BPTF: variants seen among roughly 807,000 people sequenced by gnomAD.
The protein encoded by BPTF is nucleosome-remodeling factor subunit BPTF.
Under a neutral mutation model 292.5 loss-of-function variants are expected in BPTF, and 18 were observed. The ratio of observed to expected loss-of-function variants is 0.06; its 90% CI spans 0.04 to 0.09. The LOEUF is 0.09. BPTF is among the 10% of genes least tolerant of loss of function. The pLI, the probability that BPTF is intolerant of heterozygous loss-of-function variation, is 1.00. For missense variants in BPTF, 2,726 were observed against 3,498.7 expected (o/e 0.78, Z 5.57); for synonymous variants, 1,225 against 1,251.9 (o/e 0.98, Z 0.45).
At position 67,944,280 on chromosome 17, in the gene BPTF, A is replaced by G; in HGVS notation, c.6608A>G (p.Asn2203Ser). ...GQQLMQAAMP[N>S]GTVQRFLFTP... ...CAGCTAATGCAAGCTGCAATGCCAA[A>G]TGGTACTGTTCAGCGATTCCTCTTT... Residue 2203 changes from asparagine to serine, a missense_variant, in exon 20 of 28, where the codon AAT becomes AGT. This residue lies in a region of BPTF where 570 missense variants were observed against 633.5 expected (regional missense o/e 0.90). Transcript: ENST00000306378. 1 of 1,614,158 alleles carries G rather than the reference A, an allele frequency of 6.2e-7. No homozygotes were observed.
In BPTF at chr17:67,909,750, A is replaced by G. The variant is rs770557082; in HGVS notation, c.2981A>G (p.Lys994Arg). ...ATGGATATCTCAAAGATTACTGAGA[A>G]GAAGGACCAAGGTAAGGAGAGTCAG... ...NEMDISKITE[K>R]KDQDVKELLD... The change falls in exon 10 of 28, where the codon AAG (lysine) becomes AGG (arginine). Residue 994 changes from lysine to arginine, a missense_variant. By Grantham distance (26) the Lys-to-Arg change is conservative. This residue lies in a region of BPTF where 713 missense variants were observed against 714.9 expected (regional missense o/e 1.00). Coordinates refer to ENST00000306378, the MANE Select transcript of BPTF (RefSeq NM_182641.4). The G allele has an allele frequency of 2.5e-6, 4 of 1,571,414 alleles. No homozygotes were observed. In the African/African-American group the frequency reaches 5.5e-5, roughly 22 times the overall value.
At chr17:67,945,378 A>G (rs2147934173) in intron 20 of BPTF, 31 bp from the exon 21 acceptor site, 1 of 1,583,626 alleles carries the variant, frequency 6.3e-7, no homozygotes. Context: ...GTTCCAGAGT[A>G]ATAGAAATGG....
chr17:67,938,741 T>C (rs914336260), intron 18 of BPTF, among the ~76,000 whole-genome samples: 25 of 152,208 alleles, frequency 1.6e-4, no homozygotes, highest in Admixed American at 5.9e-4. Context: ...GCCAAAATTT[T>C]TAAAAAGACT....
chr17:67,958,840 G>A (rs937441937), intron 23 of BPTF, among the ~76,000 whole-genome samples: 41 of 152,096 alleles, frequency 2.7e-4, no homozygotes, highest in African/African-American at 8.9e-4. Flanking sequence ...GGTGTTGCAC[G>A]CCTGTAATCC....
intron 7 of BPTF, among the ~76,000 whole-genome samples, chr17:67,894,522 G>A (rs1278530609): frequency 6.6e-6 from 1 of 151,986 alleles, no homozygotes; most frequent in African/African-American, 2.4e-5. Context: ...TAGAGACATG[G>A]TTTCACTGTG....
rs58462646 is a variant in BPTF, at chr17:67,923,471, C to CTTTTT, written c.5708+506_5708+510dup. Reference sequence around the variant, plus strand: ...GTTTAGTAAGGTCCTCTCTCTCTGTCTTTTTTTTTTTTTTTTTTTTTTTTT... The same window carrying CTTTTT: ...GTTTAGTAAGGTCCTCTCTCTCTGTCTTTTTTTTTTTTTTTTTTTTTTTTTTTTTT... On this transcript the variant is annotated intron_variant, in intron 14 of 27. Coordinates refer to ENST00000306378, the MANE Select transcript of BPTF (RefSeq NM_182641.4). 6.8e-4 allele frequency among the ~76,000 whole-genome samples: 46 copies of CTTTTT among 67,516 alleles called. 7 individuals carry two copies. The highest frequency in any genetic ancestry group is 1.3e-3 in the South Asian group (2 of 1,514). The allele number at this position is 67,516 out of a possible 152,430, so 44.3% of individuals were successfully genotyped here.
At chr17:67,953,770 G>A (rs2066625833) in intron 23 of BPTF, among the ~76,000 whole-genome samples, 1 of 150,222 alleles carries the variant, frequency 6.7e-6, no homozygotes, top group South Asian at 2.1e-4. Context: ...CGGAGAGATG[G>A]GGTTTCATCA....
intron 1 of BPTF, among the ~76,000 whole-genome samples, chr17:67,833,487 T>G (rs769830035): frequency 1.8e-4 from 28 of 152,304 alleles, no homozygotes; most frequent in Non-Finnish European, 3.8e-4. Flanking sequence ...CGTGTACATG[T>G]TTTTATCTGT....
At position 67,918,748 on chromosome 17, in the gene BPTF, G is replaced by A; in HGVS notation, c.5338G>A (p.Val1780Met). The A allele has an allele frequency of 6.2e-7, 1 of 1,613,814 alleles. No homozygotes were observed. The highest frequency in any genetic ancestry group is 1.7e-5 in the Admixed American group (1 of 60,008). The change falls in exon 12 of 28, where the codon GTG (valine) becomes ATG (methionine). Residue 1780 changes from valine (V) to methionine (M), a missense_variant. Physicochemically the swap from Val to Met is conservative, Grantham distance 21 (BLOSUM62 1). This residue lies in a region of BPTF where 6 missense variants were observed against 28.2 expected (regional missense o/e 0.21). Coordinates refer to ENST00000306378, the MANE Select transcript of BPTF (RefSeq NM_182641.4). ...TCAGACAGTAAAGTCCTTAGCTGGA[G>A]TGAGCCTGATGTTACGGTTACTGTG... ...RLQTVKSLAG[V>M]SLMLRLLWAS...
chr17:67,945,992 A>T lies in BPTF; in HGVS notation c.7284A>T (p.Pro2428=). 6.2e-7 allele frequency: 1 copy of T among 1,614,200 alleles called. No individual in the cohort carries two copies. Among genetic ancestry groups the T allele is most frequent in the South Asian group, 1.1e-5 (1 of 91,088 alleles). ...GTCCTCAGCTACAAATACAGCAGCC[A>T]CAGCCCCAAGTCATTGCTGTGCCTC... ...PSRPQLQIQQ[P]QPQVIAVPQL... The change falls in exon 21 of 28, where the codon CCA becomes CCT. Residue 2428 remains proline, a synonymous_variant. Transcript: ENST00000306378.
At chr17:67,915,676 C>G (rs941012819) in intron 11 of BPTF, among the ~76,000 whole-genome samples, 1 of 152,088 alleles carries the variant, frequency 6.6e-6, no homozygotes, top group African/African-American at 2.4e-5. Flanking sequence ...TGCCTTTGAT[C>G]AGCAACCCCC....
intron 1 of BPTF, among the ~76,000 whole-genome samples, chr17:67,848,040 C>G (rs1409172857): frequency 1.3e-5 from 2 of 152,162 alleles, no homozygotes; most frequent in Non-Finnish European, 2.9e-5. Flanking sequence ...TATACCAATA[C>G]CGAGTGAGGC....
intron 11 of BPTF, among the ~76,000 whole-genome samples, chr17:67,915,774 C>G (rs1001790264): frequency 6.6e-6 from 1 of 152,178 alleles, no homozygotes; most frequent in Non-Finnish European, 1.5e-5. Flanking sequence ...GTCCTTTCCT[C>G]TCTTACAGCT....
At chr17:67,981,535 G>GC (rs1258643226) in intron 27 of BPTF, 16 of 1,101,278 alleles carry the variant, frequency 1.5e-5, no homozygotes, top group Non-Finnish European at 1.8e-5. Flanking sequence ...ATTCAAAATT[G>GC]CCCCCCAAAA....
At chr17:67,877,097 T>C (rs780638119) in intron 4 of BPTF, among the ~76,000 whole-genome samples, 1 of 152,214 alleles carries the variant, frequency 6.6e-6, no homozygotes, top group Non-Finnish European at 1.5e-5. Context: ...TCATACCAGA[T>C]TTTAAAGAGG....
intron 1 of BPTF, among the ~76,000 whole-genome samples, chr17:67,834,452 T>C (rs2056969749): frequency 6.6e-6 from 1 of 152,162 alleles, no homozygotes; most frequent in South Asian, 2.1e-4. Flanking sequence ...ATAATGTTAC[T>C]AAGATCTGTC....
At chr17:67,978,159 G>A (rs1555695007) in intron 27 of BPTF, among the ~76,000 whole-genome samples, 1 of 150,412 alleles carries the variant, frequency 6.6e-6, no homozygotes, top group East Asian at 2.0e-4. Context: ...CGGCCATGAT[G>A]TATCTTTTTA....
chr17:67,869,002 T>C (rs1029168835), intron 3 of BPTF, among the ~76,000 whole-genome samples: 58 of 152,230 alleles, frequency 3.8e-4, no homozygotes, highest in Admixed American at 1.6e-3. Context: ...AAAGTTTTAG[T>C]GTTCAGAAGT....
chr17:67,834,377 G>T (rs1598114000), intron 1 of BPTF, among the ~76,000 whole-genome samples: 2 of 152,168 alleles, frequency 1.3e-5, no homozygotes, highest in African/African-American at 4.8e-5. Context: ...TACTTGAAAA[G>T]AATTTTGTAT....
Sources: allele counts gnomAD v4.1 joint callset (sites outside exome capture counted in the v4.1 genomes callset), GRCh38; gene constraint gnomAD v4.1.1; regional missense constraint gnomAD v4.1.1; transcripts MANE v1.5; gene names NCBI Gene and HGNC (gene_info 2026-07-23, HGNC 2026-07-21).